The following ACOX2 variants were observed in gnomAD, a reference collection of about 807,000 sequenced individuals.
ACOX2 encodes acyl-CoA oxidase 2, also known as peroxisomal acyl-coenzyme A oxidase 2.
ACOX2 carries 59 observed loss-of-function variants against 77.5 expected under a neutral mutation model. That is an observed-to-expected ratio of 0.76 (90% CI 0.62 to 0.95). The LOEUF (loss-of-function observed/expected upper bound fraction) is 0.95. Ranked by LOEUF, ACOX2 falls within the 40% of genes least tolerant of loss-of-function variation. ACOX2 has a pLI of 0.00. For synonymous variants in ACOX2, 317 were observed against 340.1 expected (o/e 0.93, Z 0.75); for missense variants, 837 against 880.4 (o/e 0.95, Z 0.62).
rs2063362095 is a variant in ACOX2 at position 58,522,019 on chromosome 3, C to T, written c.1632+477G>A. On this transcript the variant is annotated intron_variant, in intron 12 of 14. Transcript: ENST00000302819. This position sits in a 1 kb window ranked among gnomAD's most constrained non-coding sequence, Gnocchi z 4.3. ...TACCTGCTCTGGGATTCCATAGCAGCCTGTATTTCCCTGTCATGGTGCTTC... is the reference window on the plus strand; with the variant it reads ...TACCTGCTCTGGGATTCCATAGCAGTCTGTATTTCCCTGTCATGGTGCTTC... Among the ~76,000 whole-genome samples, 1 of 152,218 alleles carries T rather than the reference C, an allele frequency of 6.6e-6. No individual in the cohort carries two copies.
intron 13 of ACOX2, among the ~76,000 whole-genome samples, chr3:58,516,188 CAGAG>C (rs1206430226): frequency 6.6e-6 from 1 of 152,064 alleles, no homozygotes; most frequent in East Asian, 1.9e-4. Context: ...ATATGAATTA[CAGAG>C]TTAAAAAAAA....
chr3:58,507,389 G>A (rs746410166), intron 14 of ACOX2, among the ~76,000 whole-genome samples: 7 of 152,126 alleles, frequency 4.6e-5, no homozygotes, highest in Non-Finnish European at 7.4e-5. Context: ...CATTCCTCTC[G>A]TTTAGATAAA....
rs1214557460 is a variant in ACOX2, at chr3:58,521,048, T to C, written c.1632+1448A>G. ...GTCCATTTGAAGGCAGGCCATAGGTTTGGAAAATGAATGAGTGGATAATGG... is the reference window on the plus strand; with the variant it reads ...GTCCATTTGAAGGCAGGCCATAGGTCTGGAAAATGAATGAGTGGATAATGG... On this transcript the variant is annotated intron_variant, in intron 12 of 14. Coordinates refer to ENST00000302819, the MANE Select transcript of ACOX2 (RefSeq NM_003500.4). The surrounding 1 kb of genome is among the most constrained non-coding windows in gnomAD (Gnocchi z 4.8). Among the ~76,000 whole-genome samples the C allele has an allele frequency of 1.3e-5, 2 of 152,200 alleles. No individual in the cohort carries two copies. The highest frequency in any genetic ancestry group is 2.9e-5 in the Non-Finnish European group (2 of 68,032).
chr3:58,535,032 C>T lies in ACOX2; in HGVS notation c.75G>A (p.Glu25=), dbSNP rs771009073. The change falls in exon 2 of 15, where the codon GAG becomes GAA. Residue 25 remains glutamate (E), a synonymous_variant. Coordinates refer to ENST00000302819, the MANE Select transcript of ACOX2 (RefSeq NM_003500.4). This position sits in a 1 kb window ranked among gnomAD's most constrained non-coding sequence, Gnocchi z 4.8. ...CCACGTCAAAGGACTGCATATACCT[C>T]TCGCTCTCTATGTCGGGGTGCATTT... ...SRQMHPDIES[E]RYMQSFDVER... is the part of the protein sequence containing the mutation. 1 of 1,614,222 alleles carries T rather than the reference C, an allele frequency of 6.2e-7. No homozygotes were observed. Among genetic ancestry groups the T allele is most frequent in the Non-Finnish European group, 8.5e-7 (1 of 1,180,046 alleles).
In ACOX2 at chr3:58,534,250, T is replaced by C; in HGVS notation, c.324-105A>G. ...AGATAAAGGGCACCTAGCATCCTGG[T>C]TTCCCAACAAGTCTTCCCTTTGTTG... On this transcript the variant is annotated intron_variant, in intron 3 of 14. Coordinates refer to ENST00000302819, the MANE Select transcript of ACOX2 (RefSeq NM_003500.4). The surrounding 1 kb of genome is among the most constrained non-coding windows in gnomAD (Gnocchi z 4.8). 7 of 1,575,102 alleles carry C rather than the reference T, an allele frequency of 4.4e-6. No homozygotes were observed. Among genetic ancestry groups the C allele is most frequent in the Non-Finnish European group, 6.0e-6 (7 of 1,162,964 alleles).
rs953732360 is a variant in ACOX2 at position 58,533,135 on chromosome 3, C to T, written c.583+310G>A. 6.6e-6 allele frequency among the ~76,000 whole-genome samples: 1 copy of T among 152,078 alleles called. No individual in the cohort carries two copies. The highest frequency in any genetic ancestry group is 1.5e-5 in the Non-Finnish European group (1 of 68,024). On this transcript the variant is annotated intron_variant, in intron 5 of 14. Coordinates refer to ENST00000302819, the MANE Select transcript of ACOX2 (RefSeq NM_003500.4). This position sits in a 1 kb window ranked among gnomAD's most constrained non-coding sequence, Gnocchi z 5.6. Reference sequence around the variant, plus strand: ...CCGGGGTTGTGAGGAGTGCCTAGGACTAGACCAAGTGTGTGTGTTTGTGCG... The same window carrying T: ...CCGGGGTTGTGAGGAGTGCCTAGGATTAGACCAAGTGTGTGTGTTTGTGCG...
intron 13 of ACOX2, among the ~76,000 whole-genome samples, chr3:58,510,648 AAAAAAAAAAAAAAAAATATATAT>A (rs2063272628): frequency 5.3e-5 from 2 of 37,460 alleles, no homozygotes; most frequent in African/African-American, 2.3e-4. Flanking sequence ...AAAAAAAAAA[AAAAAAAAAAAAAAAAATATATAT>A]ATATATATAT....
rs1041132191 is a variant in ACOX2 at position 58,521,831 on chromosome 3, G to C, written c.1632+665C>G. On this transcript the variant is annotated intron_variant, in intron 12 of 14. Coordinates refer to ENST00000302819, the MANE Select transcript of ACOX2 (RefSeq NM_003500.4). The surrounding 1 kb of genome is among the most constrained non-coding windows in gnomAD (Gnocchi z 4.8). ...TCCCAAGCACACCAGGATCCTTCTTGCTGCTTCCTTTTGCACGCGCAGCTC... is the reference window on the plus strand; with the variant it reads ...TCCCAAGCACACCAGGATCCTTCTTCCTGCTTCCTTTTGCACGCGCAGCTC... Among the ~76,000 whole-genome samples the C allele has an allele frequency of 1.3e-5, 2 of 152,152 alleles. No homozygotes were observed. The highest frequency in any genetic ancestry group is 1.3e-4 in the Admixed American group (2 of 15,276).
rs761648252 is a variant in ACOX2, at chr3:58,517,353, A to G, written c.1703T>C (p.Ile568Thr). 1.2e-6 allele frequency: 2 copies of G among 1,614,176 alleles called. No homozygotes were observed. Among genetic ancestry groups the G allele is most frequent in the Non-Finnish European group, 1.7e-6 (2 of 1,180,022 alleles). Residue 568 changes from isoleucine (I) to threonine (T), a missense_variant, in exon 13 of 15, where the codon ATT (isoleucine) becomes ACT (threonine). Coordinates refer to ENST00000302819, the MANE Select transcript of ACOX2 (RefSeq NM_003500.4). ...ALEKLENEPA[I>T]QQVLKRLCDL... The stretch of plus-strand genomic sequence containing the variant: ...ACAGAGGCGCTTGAGCACCTGCTGA[A>G]TCGCTGGTTCATTTTCTAGTTTCTC...
Position 58,522,464 on chromosome 3 carries a change from A to T in ACOX2, c.1632+32T>A. ...GTAGCCTGCCTGGGAAGCAAAATGGATCCCTTTCAGCTTCAGCTGGCAGGC... is the reference window on the plus strand; with the variant it reads ...GTAGCCTGCCTGGGAAGCAAAATGGTTCCCTTTCAGCTTCAGCTGGCAGGC... On this transcript the variant is annotated intron_variant, in intron 12 of 14. Coordinates refer to ENST00000302819, the MANE Select transcript of ACOX2 (RefSeq NM_003500.4). This position sits in a 1 kb window ranked among gnomAD's most constrained non-coding sequence, Gnocchi z 4.3. 6.2e-7 allele frequency: 1 copy of T among 1,601,306 alleles called. No homozygotes were observed. The highest frequency in any genetic ancestry group is 2.2e-5 in the East Asian group (1 of 44,790).
chr3:58,529,829 G>A (rs557738772), intron 8 of ACOX2, among the ~76,000 whole-genome samples: 5 of 152,350 alleles, frequency 3.3e-5, no homozygotes, highest in South Asian at 2.1e-4. Flanking sequence ...TGTAGCTGAG[G>A]AAGCTGAGGG....
At position 58,531,802 on chromosome 3, in the gene ACOX2, T is replaced by C. The variant is rs371328370; in HGVS notation, c.594A>G (p.Ser198=). Residue 198 remains serine, a synonymous_variant, in exon 6 of 15, where the codon TCA becomes TCG. Transcript: ENST00000302819. This position sits in a 1 kb window ranked among gnomAD's most constrained non-coding sequence, Gnocchi z 5.8. ...TKWWPGDLGR[S]ATHALVQAQL... ...GGGCCTGGACCAGGGCATGGGTGGC[T>C]GACCGTCCCACTGAGGGCAGAGAGA... 11 of 1,613,562 alleles carry C rather than the reference T, an allele frequency of 6.8e-6. No homozygotes were observed. The highest frequency in any genetic ancestry group is 1.3e-5 in the African/African-American group (1 of 74,906).
Position 58,530,511 on chromosome 3 carries a change from G to T in ACOX2, c.947C>A (p.Ala316Asp). The T allele has an allele frequency of 6.2e-7, 1 of 1,614,256 alleles. No homozygotes were observed. The highest frequency in any genetic ancestry group is 8.5e-7 in the Non-Finnish European group (1 of 1,180,036). Residue 316 changes from alanine (A) to aspartate (D), a missense_variant, in exon 8 of 15, where the codon GCC (alanine) becomes GAC (aspartate). By Grantham distance (126) the Ala-to-Asp change is moderately radical. Coordinates refer to ENST00000302819, the MANE Select transcript of ACOX2 (RefSeq NM_003500.4). ...LPILQKACVI[A>D]MRYSVIRRQS... ...GCGGCGGATGACCGAGTAGCGCATG[G>T]CGATGACACAGGCCTTCTGCAGTAT...
chr3:58,505,299 A>G lies in ACOX2; in HGVS notation c.1984-13T>C. 6.2e-7 allele frequency: 1 copy of G among 1,608,930 alleles called. No individual in the cohort carries two copies. Among genetic ancestry groups the G allele is most frequent in the Non-Finnish European group, 8.5e-7 (1 of 1,176,570 alleles). On this transcript the variant is annotated splice_polypyrimidine_tract_variant and intron_variant, in intron 14 of 14. Transcript: ENST00000302819. This position sits in a 1 kb window ranked among gnomAD's most constrained non-coding sequence, Gnocchi z 4.4. ...AGGCAGGGTTCTCCTGTTTGTAGAA[A>G]GAAACGCATTATTAACACAGTACAT...
intron 13 of ACOX2, chr3:58,510,965 C>G (rs940630122): frequency 2.2e-6 from 1 of 456,092 alleles, no homozygotes; most frequent in African/African-American, 2.0e-5. Context: ...TTTTCTTAGG[C>G]AGTTATTTCT....
chr3:58,514,368 T>G lies in ACOX2; in HGVS notation c.1850+2838A>C, dbSNP rs2063307522. ...AAAGAACAGAAGTAAATGCATAGTTTAATCTGTCATCTTTACCTGGAAGTC... is the reference window on the plus strand; with the variant it reads ...AAAGAACAGAAGTAAATGCATAGTTGAATCTGTCATCTTTACCTGGAAGTC... On this transcript the variant is annotated intron_variant, in intron 13 of 14. Coordinates refer to ENST00000302819, the MANE Select transcript of ACOX2 (RefSeq NM_003500.4). This position sits in a 1 kb window ranked among gnomAD's most constrained non-coding sequence, Gnocchi z 4.3. 6.6e-6 allele frequency among the ~76,000 whole-genome samples: 1 copy of G among 152,234 alleles called. No homozygotes were observed. The highest frequency in any genetic ancestry group is 2.4e-5 in the African/African-American group (1 of 41,458).
At position 58,533,374 on chromosome 3, in the gene ACOX2, C is replaced by T; in HGVS notation, c.583+71G>A. On this transcript the variant is annotated intron_variant, in intron 5 of 14. Transcript: ENST00000302819. This position sits in a 1 kb window ranked among gnomAD's most constrained non-coding sequence, Gnocchi z 5.6. ...TCTGAGGTCTGTTGGACCTCAAAGC[C>T]AGTGCTACTCTGCCCTCCAACATTC... 1 of 1,396,652 alleles carries T rather than the reference C, an allele frequency of 7.2e-7. No individual in the cohort carries two copies. Among genetic ancestry groups the T allele is most frequent in the Non-Finnish European group, 1.0e-6 (1 of 993,518 alleles). The allele number at this position is 1,396,652 out of a possible 1,614,324, so 86.5% of individuals were successfully genotyped here. A position where few individuals can be genotyped will look rare whatever the true frequency, so the allele number is the denominator to read the frequency against.
At chr3:58,529,652 T>C (rs1054064120) in intron 8 of ACOX2, among the ~76,000 whole-genome samples, 7 of 152,216 alleles carry the variant, frequency 4.6e-5, no homozygotes, top group African/African-American at 1.7e-4. Context: ...TTCTTCCCAG[T>C]GGCCCTGTCC....
chr3:58,516,563 C>T (rs1560212560), intron 13 of ACOX2, among the ~76,000 whole-genome samples: 1 of 152,230 alleles, frequency 6.6e-6, no homozygotes, highest in Non-Finnish European at 1.5e-5. Context: ...TATGCCTGGG[C>T]ACGTTGGTTC....
Sources: allele counts gnomAD v4.1 joint callset (sites outside exome capture counted in the v4.1 genomes callset), GRCh38; gene constraint gnomAD v4.1.1; non-coding constraint Gnocchi (gnomAD v3.1); transcripts MANE v1.5; gene names NCBI Gene and HGNC (gene_info 2026-07-23, HGNC 2026-07-21).